The following ANK2 variants were observed in gnomAD, a reference collection of about 807,000 sequenced individuals.
ANK2 encodes ankyrin-2.
In ANK2, 83 loss-of-function variants were observed where a neutral mutation model predicts 360.5. The observed-to-expected ratio is 0.23, with a 90% confidence interval of 0.19 to 0.28. ANK2 has a LOEUF of 0.28. ANK2 is among the 10% of genes least tolerant of loss of function. The pLI is 1.00. For synonymous variants in ANK2, 1,740 were observed against 1,759.5 expected (o/e 0.99, Z 0.28); for missense variants, 4,201 against 4,795.7 (o/e 0.88, Z 3.66).
the ANK2 span, among the ~76,000 whole-genome samples, chr4:112,778,952 A>G: frequency 6.6e-6 from 1 of 152,212 alleles, no homozygotes; most frequent in African/African-American, 2.4e-5. Context: ...TATTCTTCAC[A>G]TCACATTGGA....
chr4:112,744,836 T>C, the ANK2 span, among the ~76,000 whole-genome samples: 1 of 152,230 alleles, frequency 6.6e-6, no homozygotes, highest in Non-Finnish European at 1.5e-5. Context: ...TCTTTCCCAA[T>C]ATAATCGTCA....
intron 1 of ANK2, among the ~76,000 whole-genome samples, chr4:112,823,273 G>T (rs941830805): frequency 6.6e-6 from 1 of 152,172 alleles, no homozygotes; most frequent in Non-Finnish European, 1.5e-5. Flanking sequence ...AAACTGTAGT[G>T]ATATATTGGG....
At chr4:112,837,209 C>T (rs2061175922) in intron 1 of ANK2, among the ~76,000 whole-genome samples, 1 of 152,236 alleles carries the variant, frequency 6.6e-6, no homozygotes, top group Admixed American at 6.5e-5. Context: ...CCATGTACAG[C>T]TCAGTCTGTT....
chr4:112,884,797 C>G (rs1025330452), intron 1 of ANK2, among the ~76,000 whole-genome samples: 2 of 152,212 alleles, frequency 1.3e-5, no homozygotes, highest in African/African-American at 4.8e-5. Flanking sequence ...ATGTTTCTGT[C>G]TTTCATGATA....
At chr4:112,807,673 G>A in the ANK2 span, among the ~76,000 whole-genome samples, 1 of 152,322 alleles carries the variant, frequency 6.6e-6, no homozygotes, top group South Asian at 2.1e-4. Flanking sequence ...TTTACGAAGA[G>A]CGAATGAGAT....
intron 18 of ANK2, among the ~76,000 whole-genome samples, chr4:113,285,130 T>G (rs1375502437): frequency 8.4e-6 from 1 of 118,396 alleles, no homozygotes; most frequent in African/African-American, 3.2e-5. Flanking sequence ...TTTCTTGATT[T>G]ATTAGAAAAG....
intron 4 of ANK2, among the ~76,000 whole-genome samples, chr4:113,214,906 G>A (rs976355460): frequency 6.6e-6 from 1 of 152,020 alleles, no homozygotes; most frequent in Non-Finnish European, 1.5e-5. Flanking sequence ...GGATTTGCAG[G>A]AATCAAAACA....
chr4:113,084,689 T>C (rs181343302), intron 1 of ANK2, among the ~76,000 whole-genome samples: 17 of 152,368 alleles, frequency 1.1e-4, no homozygotes, highest in African/African-American at 3.8e-4. Context: ...CCTCTTTCTG[T>C]AGTTGCTCAA....
chr4:113,313,456 G>T (rs2081151326), intron 24 of ANK2, among the ~76,000 whole-genome samples: 1 of 152,116 alleles, frequency 6.6e-6, no homozygotes, highest in South Asian at 2.1e-4. Context: ...AGCACATAAG[G>T]TCAGGGGACA....
chr4:112,996,887 C>T (rs570769449), intron 2 of ANK2, among the ~76,000 whole-genome samples: 49 of 152,146 alleles, frequency 3.2e-4, no homozygotes, highest in African/African-American at 1.0e-3. Context: ...TCTACCTCCC[C>T]GATCCCCAGC....
At chr4:112,738,343 C>G in the ANK2 span, among the ~76,000 whole-genome samples, 2 of 144,564 alleles carry the variant, frequency 1.4e-5, no homozygotes, top group African/African-American at 5.2e-5. Flanking sequence ...ACCAGGGAGG[C>G]AGAGGTTGCA....
At chr4:113,077,869 T>C (rs1353486478) in intron 1 of ANK2, among the ~76,000 whole-genome samples, 3 of 152,226 alleles carry the variant, frequency 2.0e-5, no homozygotes. Flanking sequence ...CTTGAATGTA[T>C]GCCTGCATAA....
intron 1 of ANK2, among the ~76,000 whole-genome samples, chr4:113,071,676 C>G (rs576553892): frequency 2.6e-5 from 4 of 152,160 alleles, no homozygotes; most frequent in Non-Finnish European, 5.9e-5. Context: ...GTGGTACACC[C>G]TGCTCCTTTC....
chr4:113,337,946 A>G (rs1189265632), intron 31 of ANK2, among the ~76,000 whole-genome samples: 1 of 152,368 alleles, frequency 6.6e-6, no homozygotes, highest in Middle Eastern at 3.4e-3. Context: ...TAGTGATTAA[A>G]TAAACACTCT....
intron 1 of ANK2, chr4:112,882,439 A>T (rs868858367): frequency 6.6e-6 from 1 of 152,128 alleles, no homozygotes; most frequent in African/African-American, 2.4e-5. Flanking sequence ...AGTCTCTTAA[A>T]AAAAAATATT....
At chr4:112,827,221 T>G in intron 1 of ANK2, 1 of 1,091,838 alleles carries the variant, frequency 9.2e-7, no homozygotes, top group South Asian at 1.2e-5. Flanking sequence ...GCTGGATCAA[T>G]TGGAGAAGCA....
chr4:112,772,257 CAA>C, the ANK2 span, among the ~76,000 whole-genome samples: 1 of 152,120 alleles, frequency 6.6e-6, no homozygotes, highest in Non-Finnish European at 1.5e-5. Context: ...TGGTGGCAGA[CAA>C]GAGAGAATGA....
chr4:113,108,265 C>T (rs551815377), intron 1 of ANK2, among the ~76,000 whole-genome samples: 17 of 152,240 alleles, frequency 1.1e-4, no homozygotes, highest in African/African-American at 2.6e-4. Context: ...ATTTTCGAAG[C>T]TTCCTCCCCA....
At chr4:112,802,724 G>A in the ANK2 span, among the ~76,000 whole-genome samples, 1 of 152,162 alleles carries the variant, frequency 6.6e-6, no homozygotes, top group African/African-American at 2.4e-5. Context: ...GACAGGCAAT[G>A]TAGACTTTTT....
Sources: allele counts gnomAD v4.1 joint callset (sites outside exome capture counted in the v4.1 genomes callset), GRCh38; gene constraint gnomAD v4.1.1; transcripts MANE v1.5; gene names NCBI Gene and HGNC (gene_info 2026-07-23, HGNC 2026-07-21).